The following GPC5 variants were observed in gnomAD, a reference collection of about 807,000 sequenced individuals.
GPC5 encodes glypican 5, also known as glypican-5.
In GPC5, 47 loss-of-function variants were observed where a neutral mutation model predicts 53.9. That is an observed-to-expected ratio of 0.87 (90% CI 0.69 to 1.11). GPC5 has a LOEUF of 1.11. Ranked by LOEUF, GPC5 falls within the 50% of genes most tolerant of loss-of-function variation. The pLI is 0.00. For missense variants in GPC5, 748 were observed against 713.1 expected, an observed-to-expected ratio of 1.05 and a Z score of -0.56; for synonymous variants, 286 against 263.3, an observed-to-expected ratio of 1.09 and a Z score of -0.84.
intron 4 of GPC5, among the ~76,000 whole-genome samples, chr13:91,739,866 T>C (rs1342771249): frequency 1.3e-5 from 2 of 151,442 alleles, no homozygotes; most frequent in African/African-American, 4.9e-5. Context: ...GGAGTTATCA[T>C]GGAGACTGGC....
intron 7 of GPC5, among the ~76,000 whole-genome samples, chr13:92,805,894 T>A (rs775551930): frequency 6.6e-6 from 1 of 152,024 alleles, no homozygotes; most frequent in African/African-American, 2.4e-5. Context: ...CCTTAGGATT[T>A]TTGGAATGGT....
At chr13:92,611,844 T>C (rs951602418) in intron 7 of GPC5, among the ~76,000 whole-genome samples, 3 of 152,134 alleles carry the variant, frequency 2.0e-5, no homozygotes, top group African/African-American at 7.2e-5. Flanking sequence ...TAGCAGTGTA[T>C]AAAACAGGAT....
chr13:92,421,329 C>T lies in GPC5; in HGVS notation c.1561+276340C>T, dbSNP rs577177819. ...CTGTGACTCTATGTCACAAATCAGA[C>T]GGGAGAAAGGGAGACACTGTGTTAA... is the stretch of plus-strand genomic sequence containing the variant. On this transcript the variant is annotated intron_variant, in intron 7 of 7. Transcript: ENST00000377067. Among the ~76,000 whole-genome samples the T allele has an allele frequency of 7.2e-5, 11 of 152,158 alleles. 1 individual carries two copies. The East Asian group carries it at 1.2e-3, about 16-fold the overall frequency.
chr13:91,908,111 T>G, intron 6 of GPC5, 54 bp downstream of exon 6: 1 of 1,300,162 alleles, frequency 7.7e-7, no homozygotes, highest in Non-Finnish European at 1.0e-6. Flanking sequence ...AATAAGTGGT[T>G]ACTTTCTGTT....
chr13:92,788,925 T>C (rs1249665325), intron 7 of GPC5, among the ~76,000 whole-genome samples: 1 of 152,112 alleles, frequency 6.6e-6, no homozygotes, highest in Non-Finnish European at 1.5e-5. Flanking sequence ...TATCTCAATA[T>C]TGGGTAAGAA....
chr13:91,693,572 C>T lies in GPC5; in HGVS notation c.711C>T (p.Asn237=). The T allele has an allele frequency of 6.2e-7, 1 of 1,614,118 alleles. No individual in the cohort carries two copies. The highest frequency in any genetic ancestry group is 8.5e-7 in the Non-Finnish European group (1 of 1,180,000). ...TCAATCTGGGCATTGAAGTCATCAA[C>T]ACCACAGACTATCTGCACTTCTCCA... ...QALNLGIEVI[N]TTDYLHFSKE... Residue 237 remains asparagine, a synonymous_variant, in exon 3 of 8, where the codon AAC becomes AAT. Coordinates refer to ENST00000377067, the MANE Select transcript of GPC5 (RefSeq NM_004466.6).
chr13:92,084,628 A>T (rs546098051), intron 6 of GPC5, among the ~76,000 whole-genome samples: 3 of 152,318 alleles, frequency 2.0e-5, no homozygotes, highest in South Asian at 2.1e-4. Flanking sequence ...TACTTAATTC[A>T]AGCCCCATGT....
chr13:92,663,833 CTATA>C (rs1160975918), intron 7 of GPC5, among the ~76,000 whole-genome samples: 7 of 124,136 alleles, frequency 5.6e-5, no homozygotes, highest in Non-Finnish European at 9.8e-5. Flanking sequence ...TATACACACA[CTATA>C]TATATATACA....
intron 5 of GPC5, among the ~76,000 whole-genome samples, chr13:91,804,319 A>G (rs1263542298): frequency 6.6e-6 from 1 of 152,038 alleles, no homozygotes; most frequent in Non-Finnish European, 1.5e-5. Context: ...TTCCCAAGAA[A>G]TATGCAGTAG....
intron 7 of GPC5, among the ~76,000 whole-genome samples, chr13:92,671,211 TA>T (rs1010354277): frequency 1.3e-5 from 2 of 151,864 alleles, no homozygotes; most frequent in Non-Finnish European, 2.9e-5. Flanking sequence ...GAGTTCTCTG[TA>T]AAAAAAACAT....
chr13:91,935,443 C>G (rs981030322), intron 6 of GPC5, among the ~76,000 whole-genome samples: 19 of 152,096 alleles, frequency 1.2e-4, no homozygotes, highest in African/African-American at 4.6e-4. Context: ...TGTGAGGACA[C>G]AGCAGTAAAG....
intron 7 of GPC5, among the ~76,000 whole-genome samples, chr13:92,145,359 C>T (rs1254477173): frequency 6.6e-6 from 1 of 151,910 alleles, no homozygotes; most frequent in Non-Finnish European, 1.5e-5. Flanking sequence ...TAAAAAATTA[C>T]ATCATTATAT....
intron 7 of GPC5, among the ~76,000 whole-genome samples, chr13:92,525,585 G>A (rs1446276405): frequency 2.0e-5 from 3 of 151,850 alleles, no homozygotes; most frequent in South Asian, 2.1e-4. Context: ...TTTCTAATAT[G>A]TCTACCTGGT....
At chr13:91,495,948 G>A (rs545368511) in intron 2 of GPC5, among the ~76,000 whole-genome samples, 8 of 152,144 alleles carry the variant, frequency 5.3e-5, no homozygotes, top group Non-Finnish European at 1.0e-4. Flanking sequence ...GCTTGAACTC[G>A]GGAGGCAGAG....
chr13:92,163,458 C>G lies in GPC5; in HGVS notation c.1561+18469C>G, dbSNP rs1228186722. On this transcript the variant is annotated intron_variant, in intron 7 of 7. Transcript: ENST00000377067. Reference sequence around the variant, plus strand: ...CCTGAGTAACACAGTGAGATTCCATCTCAAAAAAAAAAAAAAAAAAGATGG... The same window carrying G: ...CCTGAGTAACACAGTGAGATTCCATGTCAAAAAAAAAAAAAAAAAAGATGG... Among the ~76,000 whole-genome samples the G allele has an allele frequency of 4.2e-5, 4 of 95,072 alleles. No homozygotes were observed. The Admixed American group carries it at 4.8e-4, about 11-fold the overall frequency. 62.4% of individuals were successfully genotyped at this position (95,072 alleles called of 152,430 possible).
intron 2 of GPC5, among the ~76,000 whole-genome samples, chr13:91,561,396 A>G (rs904496413): frequency 4.6e-5 from 7 of 152,156 alleles, no homozygotes; most frequent in African/African-American, 1.4e-4. Flanking sequence ...TGTCAATGCC[A>G]TTATCAAAGA....
chr13:92,645,477 T>A (rs1331898306), intron 7 of GPC5, among the ~76,000 whole-genome samples: 2 of 152,244 alleles, frequency 1.3e-5, no homozygotes, highest in Admixed American at 1.3e-4. Flanking sequence ...CTAACTTTTT[T>A]ACTTAGCATA....
At chr13:91,763,212 A>T (rs2037451337) in intron 5 of GPC5, among the ~76,000 whole-genome samples, 1 of 152,164 alleles carries the variant, frequency 6.6e-6, no homozygotes, top group South Asian at 2.1e-4. Flanking sequence ...GGAAGATTAG[A>T]TGAAGGGAGA....
rs1481264100 is a variant in GPC5, at chr13:91,988,376, A to G, written c.1401+80319A>G. 3.3e-5 allele frequency among the ~76,000 whole-genome samples: 5 copies of G among 152,286 alleles called. No individual in the cohort carries two copies. In the East Asian group the frequency reaches 9.7e-4, roughly 29 times the overall value. ...TCTGGCTTTCTCTAAAGATCCCTGC[A>G]TATGGAAGTCAGAAAGCTTCGCAGC... On this transcript the variant is annotated intron_variant, in intron 6 of 7. Transcript: ENST00000377067.
Sources: gnomAD v4.1 joint callset for allele counts (sites outside exome capture counted in the v4.1 genomes callset) on GRCh38, gnomAD v4.1.1 for gene constraint, MANE v1.5 for transcripts, NCBI Gene and HGNC (gene_info 2026-07-23, HGNC 2026-07-21) for gene names.